The following MYRFL variants were observed in gnomAD, a reference collection of about 807,000 sequenced individuals.
MYRFL encodes myelin regulatory factor like.
Under a neutral mutation model 109.4 loss-of-function variants are expected in MYRFL, and 88 were observed. That is an observed-to-expected ratio of 0.80 (90% CI 0.68 to 0.96). The LOEUF is 0.96. MYRFL is among the 40% of genes least tolerant of loss of function. The probability of loss-of-function intolerance (pLI) is 0.00; values close to 1 mark genes in which losing one functional copy is unlikely to be tolerated. For missense variants in MYRFL, 957 were observed against 954.9 expected (o/e 1.00, Z -0.03); for synonymous variants, 324 against 320.9 (o/e 1.01, Z -0.10).
At chr12:69,841,653 C>T (rs971543978) in intron 1 of MYRFL, among the ~76,000 whole-genome samples, 3 of 152,202 alleles carry the variant, frequency 2.0e-5, no homozygotes, top group Non-Finnish European at 4.4e-5. Flanking sequence ...GGATCTGTTT[C>T]TGTTGATAGT....
intron 1 of MYRFL, 103 bp from the exon 2 acceptor site, chr12:69,855,177 T>A (rs765405304): frequency 1.1e-5 from 6 of 566,108 alleles, no homozygotes; most frequent in Non-Finnish European, 3.2e-6. Context: ...GTGGATACAA[T>A]AAGAAAGACA....
At position 69,891,678 on chromosome 12, in the gene MYRFL, T is replaced by G. The variant is rs866315475; in HGVS notation, c.903+512T>G. On this transcript the variant is annotated intron_variant, in intron 7 of 24. Transcript: ENST00000552032. ...CTTTCTTTCTTTCTTTCTTTCTTTC[T>G]TTCTTTCGTTCGTTCGTTCTTTCTT... 4.1e-4 allele frequency among the ~76,000 whole-genome samples: 46 copies of G among 112,536 alleles called. 1 individual carries two copies. Among genetic ancestry groups the G allele is most frequent in the African/African-American group, 1.7e-3 (41 of 24,508 alleles). 73.8% of individuals were successfully genotyped at this position (112,536 alleles called of 152,430 possible). A position where few individuals can be genotyped will look rare whatever the true frequency, so the allele number is the denominator to read the frequency against.
intron 5 of MYRFL, among the ~76,000 whole-genome samples, chr12:69,883,526 G>A (rs1886255900): frequency 6.6e-6 from 1 of 152,042 alleles, no homozygotes; most frequent in African/African-American, 2.4e-5. Flanking sequence ...ACTGCCATTT[G>A]CAACACTAAT....
intron 2 of MYRFL, among the ~76,000 whole-genome samples, chr12:69,866,464 G>A (rs1038782453): frequency 3.9e-5 from 6 of 152,026 alleles, no homozygotes; most frequent in South Asian, 2.1e-4. Flanking sequence ...TAAATACCAG[G>A]GTATTTATGC....
chr12:69,856,983 G>T (rs993600943), intron 2 of MYRFL, among the ~76,000 whole-genome samples: 11 of 151,690 alleles, frequency 7.3e-5, no homozygotes, highest in Non-Finnish European at 1.3e-4. Context: ...AGTTCCCAAA[G>T]ATTTTCTTTT....
chr12:69,852,771 T>C (rs1000423978), intron 1 of MYRFL, among the ~76,000 whole-genome samples: 2 of 151,750 alleles, frequency 1.3e-5, no homozygotes, highest in African/African-American at 4.8e-5. Flanking sequence ...TACTTGAGAT[T>C]AGGGAGTGGT....
In MYRFL at chr12:69,958,608, C is replaced by G; in HGVS notation, c.*77C>G. 1 of 1,013,060 alleles carries G rather than the reference C, an allele frequency of 9.9e-7. No individual in the cohort carries two copies. The highest frequency in any genetic ancestry group is 1.4e-6 in the Non-Finnish European group (1 of 704,214). 62.8% of individuals were successfully genotyped at this position (1,013,060 alleles called of 1,614,324 possible). On this transcript the variant is annotated 3_prime_UTR_variant, in exon 25 of 25. Transcript: ENST00000552032. Reference sequence around the variant, plus strand: ...AACAGAAACGAACATCCTCTTGCAACTTCTTTTTTCTTCTTTGTAAAACAT... The same window carrying G: ...AACAGAAACGAACATCCTCTTGCAAGTTCTTTTTTCTTCTTTGTAAAACAT...
chr12:69,938,547 G>C (rs952922263), intron 19 of MYRFL, among the ~76,000 whole-genome samples: 11 of 151,992 alleles, frequency 7.2e-5, no homozygotes, highest in Non-Finnish European at 8.8e-5. Context: ...GATAATAATT[G>C]AGCTGAAAAA....
At chr12:69,916,383 T>C (rs551349599) in intron 13 of MYRFL, among the ~76,000 whole-genome samples, 1 of 152,192 alleles carries the variant, frequency 6.6e-6, no homozygotes, top group Non-Finnish European at 1.5e-5. Flanking sequence ...GAAGACATGA[T>C]GGACCTTGGG....
At chr12:69,938,788 C>A (rs1955545860) in intron 19 of MYRFL, among the ~76,000 whole-genome samples, 1 of 152,152 alleles carries the variant, frequency 6.6e-6, no homozygotes, top group Non-Finnish European at 1.5e-5. Context: ...GTACCGGGTT[C>A]ATCTCACTAG....
chr12:69,933,321 T>A (rs1955329908), intron 16 of MYRFL, among the ~76,000 whole-genome samples: 3 of 152,202 alleles, frequency 2.0e-5, no homozygotes, highest in Non-Finnish European at 4.4e-5. Flanking sequence ...AACCTGGTCA[T>A]CTTGCTGTGT....
At chr12:69,905,228 A>G (rs1954317590) in intron 11 of MYRFL, among the ~76,000 whole-genome samples, 1 of 152,238 alleles carries the variant, frequency 6.6e-6, no homozygotes, top group African/African-American at 2.4e-5. Context: ...ATTGAATATA[A>G]CAAGTGAGAA....
intron 13 of MYRFL, among the ~76,000 whole-genome samples, chr12:69,918,486 C>T (rs982764132): frequency 1.3e-5 from 2 of 152,096 alleles, no homozygotes; most frequent in African/African-American, 2.4e-5. Flanking sequence ...ATGTGTGGCT[C>T]TCTCTGGAAC....
chr12:69,905,079 CA>C (rs1208452985), intron 11 of MYRFL, among the ~76,000 whole-genome samples: 4 of 152,208 alleles, frequency 2.6e-5, no homozygotes, highest in Non-Finnish European at 5.9e-5. Context: ...TTCTTACATA[CA>C]TTTCCAGATG....
At chr12:69,865,499 C>T (rs891318339) in intron 2 of MYRFL, among the ~76,000 whole-genome samples, 3 of 151,938 alleles carry the variant, frequency 2.0e-5, no homozygotes, top group African/African-American at 7.3e-5. Context: ...TATCTATGAA[C>T]CATCTTGGGG....
intron 11 of MYRFL, among the ~76,000 whole-genome samples, chr12:69,906,440 T>G (rs1365739354): frequency 6.6e-6 from 1 of 152,038 alleles, no homozygotes; most frequent in African/African-American, 2.4e-5. Context: ...CGCTGAACAC[T>G]AAAGGCACAT....
At chr12:69,952,667 A>T in intron 20 of MYRFL, 132 bp from the exon 21 acceptor site, 2 of 624,774 alleles carry the variant, frequency 3.2e-6, no homozygotes, top group South Asian at 2.5e-5. Flanking sequence ...TTTCCATTTG[A>T]ATACAAATGG....
rs1371190069 is a variant in MYRFL, at chr12:69,936,106, T to C, written c.1917-7T>C. 5 of 1,049,540 alleles carry C rather than the reference T, an allele frequency of 4.8e-6. No individual in the cohort carries two copies. The highest frequency in any genetic ancestry group is 6.5e-6 in the Non-Finnish European group (5 of 764,624). 65.0% of individuals were successfully genotyped at this position (1,049,540 alleles called of 1,614,324 possible). The stretch of plus-strand genomic sequence containing the variant: ...TTTTTTTTTTTTTTTTTTTTTTTTT[T>C]TGACAGTGCTTTGACGATAGTTGCC... On this transcript the variant is annotated splice_polypyrimidine_tract_variant and splice_region_variant and intron_variant, in intron 16 of 24. Transcript: ENST00000552032.
At chr12:69,929,531 G>GAAC (rs1955208377) in intron 15 of MYRFL, among the ~76,000 whole-genome samples, 1 of 152,230 alleles carries the variant, frequency 6.6e-6, no homozygotes, top group Non-Finnish European at 1.5e-5. Context: ...CTGGTGGCTA[G>GAAC]AACTGGCTTC....
Sources: allele counts gnomAD v4.1 joint callset (sites outside exome capture counted in the v4.1 genomes callset), GRCh38; gene constraint gnomAD v4.1.1; transcripts MANE v1.5; gene names NCBI Gene and HGNC (gene_info 2026-07-23, HGNC 2026-07-21).